SOX6: variants seen among roughly 807,000 people sequenced by gnomAD.
SOX6 encodes SRY-box transcription factor 6.
A neutral mutation model predicts 97.8 loss-of-function variants in SOX6; 11 were observed. The observed-to-expected ratio is 0.11, with a 90% confidence interval of 0.07 to 0.19. SOX6 has a LOEUF of 0.19. Among genes scored for constraint, SOX6 ranks in the 10% least tolerant of loss-of-function variants. The probability of loss-of-function intolerance (pLI) is 1.00; values close to 1 mark genes in which losing one functional copy is unlikely to be tolerated. For missense variants in SOX6, 810 were observed against 1,039.5 expected (o/e 0.78, Z 3.04); for synonymous variants, 360 against 371.4 (o/e 0.97, Z 0.35).
chr11:16,428,060 A>T (rs1193267527), intron 1 of SOX6, among the ~76,000 whole-genome samples: 2 of 152,118 alleles, frequency 1.3e-5, no homozygotes, highest in African/African-American at 4.8e-5. Flanking sequence ...TGGTTTTGAT[A>T]TGCATTTCTC....
intron 1 of SOX6, among the ~76,000 whole-genome samples, chr11:16,452,851 T>C (rs749393755): frequency 1.3e-5 from 2 of 152,068 alleles, no homozygotes; most frequent in Non-Finnish European, 2.9e-5. Flanking sequence ...AAATGGAGAA[T>C]ATGGCTATAT....
chr11:16,075,998 G>C (rs1848343644), intron 9 of SOX6, among the ~76,000 whole-genome samples: 1 of 151,996 alleles, frequency 6.6e-6, no homozygotes, highest in Non-Finnish European at 1.5e-5. Flanking sequence ...GGGGATTATG[G>C]GGGCTACAAT....
chr11:16,096,491 T>C (rs1455204083), intron 8 of SOX6, among the ~76,000 whole-genome samples: 1 of 151,832 alleles, frequency 6.6e-6, no homozygotes, highest in East Asian at 1.9e-4. Context: ...TAGGCGAAAT[T>C]TCTAGCTCTG....
intron 7 of SOX6, among the ~76,000 whole-genome samples, chr11:16,099,558 A>AC (rs200907371): frequency 1.9e-3 from 292 of 151,284 alleles, no homozygotes; most frequent in African/African-American, 6.9e-3. Flanking sequence ...CTAAACCACA[A>AC]CCCCCCTCCC....
chr11:16,199,143 G>A (rs1007189639), intron 4 of SOX6, among the ~76,000 whole-genome samples: 3 of 152,130 alleles, frequency 2.0e-5, no homozygotes, highest in African/African-American at 7.2e-5. Context: ...GAATTGCTTT[G>A]AACTACAGGA....
intron 4 of SOX6, among the ~76,000 whole-genome samples, chr11:16,515,869 G>A (rs1362122441): frequency 4.3e-5 from 5 of 117,006 alleles, no homozygotes; most frequent in East Asian, 3.0e-4. Context: ...GATATGCGGC[G>A]TTATTTCTGA....
At chr11:16,410,158 A>G (rs1192471115) in intron 1 of SOX6, among the ~76,000 whole-genome samples, 3 of 147,264 alleles carry the variant, frequency 2.0e-5, no homozygotes, top group Non-Finnish European at 2.9e-5. Flanking sequence ...TACATATATC[A>G]TATCCCAGTG....
At chr11:16,329,781 C>A (rs535713928) in intron 2 of SOX6, among the ~76,000 whole-genome samples, 1 of 152,186 alleles carries the variant, frequency 6.6e-6, no homozygotes, top group Admixed American at 6.6e-5. Context: ...TTTGGCCTCT[C>A]CCTAAACGCT....
chr11:16,565,393 C>T (rs992628608), intron 4 of SOX6, among the ~76,000 whole-genome samples: 3 of 152,106 alleles, frequency 2.0e-5, no homozygotes, highest in Admixed American at 2.0e-4. Context: ...TCTACGCAAT[C>T]TCTTCCAGAA....
chr11:16,692,133 G>A (rs1187680814), intron 3 of SOX6, among the ~76,000 whole-genome samples: 1 of 151,666 alleles, frequency 6.6e-6, no homozygotes, highest in African/African-American at 2.4e-5. Context: ...CCAGGCAGTG[G>A]CGTGATCTCG....
At chr11:16,657,196 A>G (rs1228088692) in intron 3 of SOX6, among the ~76,000 whole-genome samples, 2 of 152,228 alleles carry the variant, frequency 1.3e-5, no homozygotes, top group Non-Finnish European at 2.9e-5. Context: ...AAAATGCCAT[A>G]TGTTGGAATC....
At chr11:16,596,731 T>C (rs537917207) in intron 4 of SOX6, among the ~76,000 whole-genome samples, 30 of 152,382 alleles carry the variant, frequency 2.0e-4, no homozygotes, top group African/African-American at 7.2e-4. Flanking sequence ...CTCAGCCTTT[T>C]CACCATCAAG....
At position 16,637,466 on chromosome 11, in the gene SOX6, G is replaced by A. The variant is rs184411058; in HGVS notation, n.430-25206C>T. On this transcript the variant is annotated intron_variant and non_coding_transcript_variant, in intron 3 of 5. Transcript: ENST00000524520. ...GAACTCCTGACCTTGAGATCTGCCC[G>A]CCTCAGCCTCCCAAAGTGCTGGGAT... Among the ~76,000 whole-genome samples the A allele has an allele frequency of 3.1e-3, 475 of 152,190 alleles. 2 individuals are homozygous for A. The highest frequency in any genetic ancestry group is 0.01 in the Middle Eastern group (3 of 294).
At chr11:15,991,274 T>C (rs1854044794) in intron 13 of SOX6, among the ~76,000 whole-genome samples, 1 of 152,136 alleles carries the variant, frequency 6.6e-6, no homozygotes, top group South Asian at 2.1e-4. Flanking sequence ...ATAAATTGAT[T>C]TCACTTTATA....
In SOX6 at chr11:16,503,255, G is replaced by GA. The variant is rs796283151; in HGVS notation, n.610-26868dup. Among the ~76,000 whole-genome samples, 314 of 137,942 alleles carry GA rather than the reference G, an allele frequency of 2.3e-3. 1 individual carries two copies. The highest frequency in any genetic ancestry group is 4.8e-3 in the African/African-American group (180 of 37,658). 90.5% of individuals were successfully genotyped at this position (137,942 alleles called of 152,430 possible). A position where few individuals can be genotyped will look rare whatever the true frequency, so the allele number is the denominator to read the frequency against. On this transcript the variant is annotated intron_variant and non_coding_transcript_variant, in intron 4 of 5. Transcript: ENST00000524520. Reference sequence around the variant, plus strand: ...GTGATAAGACAACATCTACCACCATGAAAAAAAAAAAACATGAAAGTATAA... The same window carrying GA: ...GTGATAAGACAACATCTACCACCATGAAAAAAAAAAAAACATGAAAGTATAA...
chr11:16,515,525 T>G (rs372926867), intron 4 of SOX6, among the ~76,000 whole-genome samples: 19,938 of 96,200 alleles, frequency 0.21, 2,481 homozygotes, highest in Middle Eastern at 0.28. Flanking sequence ...GTAGTTTCTT[T>G]TGCTGTACAG....
intron 4 of SOX6, among the ~76,000 whole-genome samples, chr11:16,515,878 G>C (rs946446370): frequency 1.6e-5 from 2 of 124,826 alleles, no homozygotes; most frequent in African/African-American, 2.8e-5. Flanking sequence ...CGTTATTTCT[G>C]AGGGCTCTGT....
intron 4 of SOX6, among the ~76,000 whole-genome samples, chr11:16,232,756 T>C (rs943803517): frequency 6.6e-6 from 1 of 152,080 alleles, no homozygotes; most frequent in Non-Finnish European, 1.5e-5. Flanking sequence ...CTCACTGTTA[T>C]AAAAAGGAAT....
chr11:16,159,561 T>G (rs894698607), intron 6 of SOX6, among the ~76,000 whole-genome samples: 1 of 152,130 alleles, frequency 6.6e-6, no homozygotes, highest in Non-Finnish European at 1.5e-5. Flanking sequence ...AAAAAGACCT[T>G]TATGCAGTAT....
Sources: gnomAD v4.1 joint callset for allele counts (sites outside exome capture counted in the v4.1 genomes callset) on GRCh38, gnomAD v4.1.1 for gene constraint, MANE v1.5 for transcripts, NCBI Gene and HGNC (gene_info 2026-07-23, HGNC 2026-07-21) for gene names.